TTC28: variants seen among roughly 807,000 people sequenced by gnomAD.
TTC28 encodes tetratricopeptide repeat protein 28.
Under a neutral mutation model 198.0 loss-of-function variants are expected in TTC28, and 61 were observed. The ratio of observed to expected loss-of-function variants is 0.31; its 90% CI spans 0.25 to 0.38. The LOEUF is 0.38. TTC28 is among the 10% of genes least tolerant of loss of function. TTC28 has a pLI of 1.00. For missense variants in TTC28, 2,678 were observed against 3,164.0 expected (o/e 0.85, Z 3.69); for synonymous variants, 1,171 against 1,297.8 (o/e 0.90, Z 2.10).
chr22:28,163,704 A>G, intron 5 of TTC28, 105 bp from the exon 6 acceptor site: 1 of 1,257,028 alleles, frequency 8.0e-7, no homozygotes, highest in Non-Finnish European at 1.1e-6. Flanking sequence ...GAATAGGAAC[A>G]GCTCTAGTCT....
chr22:28,006,307 G>T (rs563678452), intron 14 of TTC28, among the ~76,000 whole-genome samples: 4 of 152,340 alleles, frequency 2.6e-5, no homozygotes, highest in African/African-American at 9.6e-5. Context: ...ATGAGGCCAA[G>T]GTAGCTGCAC....
intron 6 of TTC28, 61 bp downstream of exon 6, chr22:28,163,031 A>G: frequency 6.8e-7 from 1 of 1,467,794 alleles, no homozygotes; most frequent in Non-Finnish European, 9.0e-7. Context: ...ATAGTGATCT[A>G]CTCCAGCTAT....
intron 12 of TTC28, among the ~76,000 whole-genome samples, chr22:28,043,054 G>T (rs903402484): frequency 1.3e-5 from 2 of 151,890 alleles, no homozygotes; most frequent in Non-Finnish European, 2.9e-5. Context: ...GACCAGCCTG[G>T]CCAAAATGGC....
At position 28,151,924 on chromosome 22, in the gene TTC28, T is replaced by G. The variant is rs117208949; in HGVS notation, c.1441+11168A>C. On this transcript the variant is annotated intron_variant, in intron 6 of 22. Transcript: ENST00000397906. ...TCCTACATCAAGGGCATTATTAGACTTTGACAGTTTGTGTAGTCTTGTCTA... is the reference window on the plus strand; with the variant it reads ...TCCTACATCAAGGGCATTATTAGACGTTGACAGTTTGTGTAGTCTTGTCTA... Among the ~76,000 whole-genome samples the G allele has an allele frequency of 3.3e-4, 51 of 152,284 alleles. No individual in the cohort carries two copies. The East Asian group carries it at 8.1e-3, about 24-fold the overall frequency.
chr22:28,671,026 G>A (rs913648189), intron 1 of TTC28, among the ~76,000 whole-genome samples: 4 of 152,048 alleles, frequency 2.6e-5, no homozygotes, highest in Non-Finnish European at 4.4e-5. Context: ...GTTTCACTCT[G>A]TCACCCAGGC....
At chr22:28,311,131 T>C (rs971293733) in intron 2 of TTC28, among the ~76,000 whole-genome samples, 6 of 152,166 alleles carry the variant, frequency 3.9e-5, no homozygotes, top group Non-Finnish European at 7.3e-5. Flanking sequence ...ACTTTTAAAA[T>C]CTCCTGAAGA....
intron 2 of TTC28, among the ~76,000 whole-genome samples, chr22:28,608,738 A>T (rs1347939191): frequency 6.6e-6 from 1 of 152,218 alleles, no homozygotes. Context: ...AAACACACAC[A>T]GGGAACTGTT....
chr22:28,557,357 C>A (rs1485453483), intron 2 of TTC28, among the ~76,000 whole-genome samples: 1 of 152,176 alleles, frequency 6.6e-6, no homozygotes, highest in East Asian at 1.9e-4. Flanking sequence ...TATTCCATTT[C>A]TCTGCCTCTG....
chr22:28,587,104 C>T (rs867512067), intron 2 of TTC28, among the ~76,000 whole-genome samples: 2 of 152,054 alleles, frequency 1.3e-5, no homozygotes, highest in African/African-American at 4.8e-5. Flanking sequence ...CGCCTATAGG[C>T]CTAGAACTTT....
intron 10 of TTC28, among the ~76,000 whole-genome samples, 151 bp from the exon 11 acceptor site, chr22:28,096,559 A>G (rs1941980764): frequency 6.6e-6 from 1 of 152,152 alleles, no homozygotes; most frequent in Non-Finnish European, 1.5e-5. Flanking sequence ...CTTCAGATTC[A>G]ATTCCCTGCC....
chr22:28,276,852 T>C (rs2044482636), intron 5 of TTC28, among the ~76,000 whole-genome samples: 1 of 152,160 alleles, frequency 6.6e-6, no homozygotes, highest in South Asian at 2.1e-4. Flanking sequence ...GTTAACTCCT[T>C]ATATGTCTAA....
At chr22:28,085,001 T>C (rs1468159764) in intron 12 of TTC28, among the ~76,000 whole-genome samples, 1 of 151,892 alleles carries the variant, frequency 6.6e-6, no homozygotes. Flanking sequence ...CCAAGAAATA[T>C]GGGACTATGT....
chr22:28,674,390 A>T (rs940687096), intron 1 of TTC28, among the ~76,000 whole-genome samples: 2 of 151,708 alleles, frequency 1.3e-5, no homozygotes, highest in Admixed American at 1.3e-4. Flanking sequence ...AGAAGAAGAT[A>T]AAAAACAAAT....
At chr22:28,216,310 C>T (rs1256664620) in intron 5 of TTC28, among the ~76,000 whole-genome samples, 1 of 152,170 alleles carries the variant, frequency 6.6e-6, no homozygotes, top group Non-Finnish European at 1.5e-5. Flanking sequence ...GTCAATTCAA[C>T]TTGGACTATG....
intron 6 of TTC28, among the ~76,000 whole-genome samples, chr22:28,139,289 A>G (rs1021803565): frequency 3.3e-5 from 5 of 152,192 alleles, no homozygotes; most frequent in African/African-American, 1.2e-4. Flanking sequence ...GAAACAACAG[A>G]AAACAAAACA....
chr22:28,295,714 T>C (rs1326167914), intron 5 of TTC28, among the ~76,000 whole-genome samples: 1 of 152,192 alleles, frequency 6.6e-6, no homozygotes, highest in Non-Finnish European at 1.5e-5. Flanking sequence ...TTCATCTCTT[T>C]AATAAGACTA....
In TTC28 at chr22:27,982,213, A is replaced by G; in HGVS notation, c.*8T>C. On this transcript the variant is annotated 3_prime_UTR_variant, in exon 23 of 23. Coordinates refer to ENST00000397906, the MANE Select transcript of TTC28 (RefSeq NM_001145418.2). This position sits in a 1 kb window ranked among gnomAD's most constrained non-coding sequence, Gnocchi z 5.2. ...GGCTGCTCAGAGTCAGTGGGTATAA[A>G]AGATGCTTTAGCATTTGGAAGAAGG... 6.8e-7 allele frequency: 1 copy of G among 1,463,398 alleles called. No homozygotes were observed. Among genetic ancestry groups the G allele is most frequent in the Non-Finnish European group, 9.0e-7 (1 of 1,107,218 alleles). 90.7% of individuals were successfully genotyped at this position (1,463,398 alleles called of 1,614,324 possible). A position where few individuals can be genotyped will look rare whatever the true frequency, so the allele number is the denominator to read the frequency against.
chr22:28,038,955 C>A (rs1354704349), intron 12 of TTC28, among the ~76,000 whole-genome samples: 1 of 152,272 alleles, frequency 6.6e-6, no homozygotes, highest in African/African-American at 2.4e-5. Flanking sequence ...AAATGCAAAT[C>A]AAAACCACAA....
In TTC28 at chr22:28,140,506, G is replaced by A. The variant is rs115909351; in HGVS notation, c.1441+22586C>T. Among the ~76,000 whole-genome samples, 1,208 of 152,268 alleles carry A rather than the reference G, an allele frequency of 7.9e-3. 24 individuals carry two copies. The highest frequency in any genetic ancestry group is 0.028 in the African/African-American group (1,166 of 41,558). On this transcript the variant is annotated intron_variant, in intron 6 of 22. Coordinates refer to ENST00000397906, the MANE Select transcript of TTC28 (RefSeq NM_001145418.2). Reference sequence around the variant, plus strand: ...AAACTCTGCAGAACTTTTCTGTCACGTTCCACCTATGTCAACATTCATGCC... The same window carrying A: ...AAACTCTGCAGAACTTTTCTGTCACATTCCACCTATGTCAACATTCATGCC...
Sources: gnomAD v4.1 joint callset for allele counts (sites outside exome capture counted in the v4.1 genomes callset) on GRCh38, gnomAD v4.1.1 for gene constraint, Gnocchi (gnomAD v3.1) non-coding constraint, MANE v1.5 for transcripts, NCBI Gene and HGNC (gene_info 2026-07-23, HGNC 2026-07-21) for gene names.